Variants in ZNF138 observed in about 807,000 individuals in gnomAD.
ZNF138 encodes zinc finger protein 138 (clone pHZ-32).
A neutral mutation model predicts 33.0 loss-of-function variants in ZNF138; 33 were observed. That is an observed-to-expected ratio of 1.00 (90% CI 0.76 to 1.34). The LOEUF (loss-of-function observed/expected upper bound fraction) is 1.34, where lower values mean the gene tolerates loss of function less well. Among genes scored for constraint, ZNF138 ranks in the 40% most tolerant of loss-of-function variants. ZNF138 has a pLI of 0.00. For missense variants in ZNF138, 360 were observed against 370.8 expected, an observed-to-expected ratio of 0.97 and a Z score of 0.24; for synonymous variants, 139 against 120.4, an observed-to-expected ratio of 1.15 and a Z score of -1.01.
the ZNF138 span, among the ~76,000 whole-genome samples, chr7:64,840,461 A>G: frequency 1.2e-5 from 1 of 86,456 alleles, no homozygotes; most frequent in Non-Finnish European, 2.2e-5. Context: ...TGTACATAGT[A>G]TCTGTTTATA....
chr7:64,835,452 A>G (rs1054803433), downstream of ZNF138: 1 of 152,136 alleles, frequency 6.6e-6, no homozygotes, highest in African/African-American at 2.4e-5. Flanking sequence ...TATTATACAG[A>G]GAATTATAAT....
downstream of ZNF138, chr7:64,836,996 A>C (rs1790386936): frequency 6.6e-6 from 1 of 152,212 alleles, no homozygotes; most frequent in Non-Finnish European, 1.5e-5. Flanking sequence ...TTGCCACACC[A>C]GTTCGTCTAT....
At chr7:64,827,144 G>T (rs1789688450) in intron 3 of ZNF138, among the ~76,000 whole-genome samples, 2 of 149,806 alleles carry the variant, frequency 1.3e-5, no homozygotes, top group African/African-American at 4.9e-5. Context: ...GTCTTACTAT[G>T]TTGCTCAGGC....
At chr7:64,837,155 G>T (rs1225103939), downstream of ZNF138, among the ~76,000 whole-genome samples, 2 of 152,124 alleles carry the variant, frequency 1.3e-5, no homozygotes, top group Non-Finnish European at 2.9e-5. Context: ...AGTTTGGTTG[G>T]GGGGAGGGAA....
At chr7:64,848,185 T>C in the ZNF138 span, among the ~76,000 whole-genome samples, 1 of 151,396 alleles carries the variant, frequency 6.6e-6, no homozygotes, top group South Asian at 2.1e-4. Context: ...CCCAATCTTT[T>C]CTAGCTTGTA....
At chr7:64,839,746 CA>C in the ZNF138 span, among the ~76,000 whole-genome samples, 1 of 152,102 alleles carries the variant, frequency 6.6e-6, no homozygotes, top group East Asian at 1.9e-4. Context: ...CTGATCCGAC[CA>C]GGAGGGGAGT....
chr7:64,801,803 A>G (rs1377156055), intron 1 of ZNF138, among the ~76,000 whole-genome samples: 2 of 152,164 alleles, frequency 1.3e-5, no homozygotes, highest in East Asian at 3.8e-4. Context: ...ATAAATCTCT[A>G]AGAACTTGCC....
At chr7:64,815,120 T>C in intron 2 of ZNF138, 76 bp downstream of exon 2, 1 of 1,361,822 alleles carries the variant, frequency 7.3e-7, no homozygotes. Context: ...GTAGAATGTC[T>C]TTTGGTAATT....
At chr7:64,837,710 A>G (rs1188280354), downstream of ZNF138, among the ~76,000 whole-genome samples, 1 of 152,176 alleles carries the variant, frequency 6.6e-6, no homozygotes, top group African/African-American at 2.4e-5. Context: ...AGTTAACGTC[A>G]AGTGTGGTTG....
rs1051685472 is a variant in ZNF138, at chr7:64,833,513, A to T, written c.*1311A>T. 1.9e-5 allele frequency: 3 copies of T among 160,174 alleles called. No homozygotes were observed. Among genetic ancestry groups the T allele is most frequent in the African/African-American group, 7.2e-5 (3 of 41,494 alleles). 9.9% of individuals were successfully genotyped at this position (160,174 alleles called of 1,614,324 possible). On this transcript the variant is annotated 3_prime_UTR_variant, in exon 4 of 4. Transcript: ENST00000307355. ...CCCAGAAGTGTGAAGAATATGGCAA[A>T]ACTTTAATTCCTATACCTTATTGCA...
the ZNF138 span, among the ~76,000 whole-genome samples, chr7:64,854,204 A>G: frequency 9.9e-5 from 15 of 152,218 alleles, no homozygotes; most frequent in African/African-American, 3.6e-4. Context: ...CTATACTGTA[A>G]TAAAATATTG....
At chr7:64,817,955 C>T (rs911284927) in intron 3 of ZNF138, among the ~76,000 whole-genome samples, 6 of 151,002 alleles carry the variant, frequency 4.0e-5, no homozygotes, top group Non-Finnish European at 7.4e-5. Flanking sequence ...TTACTTTCTT[C>T]AGCCTGTATC....
In ZNF138 at chr7:64,831,501, G is replaced by T; in HGVS notation, c.259G>T (p.Asp87Tyr). The T allele has an allele frequency of 6.2e-7, 1 of 1,603,958 alleles. No homozygotes were observed. Among genetic ancestry groups the T allele is most frequent in the Non-Finnish European group, 8.5e-7 (1 of 1,176,880 alleles). Residue 87 changes from aspartate (D) to tyrosine (Y), a missense_variant, in exon 4 of 4, where the codon GAT becomes TAT. Asp to Tyr is a radical substitution (Grantham distance 160). Coordinates refer to ENST00000307355, the MANE Select transcript of ZNF138 (RefSeq NM_001271639.2). ...QDLWLEQNIKDSFQKVTLSRY... is the reference protein window; with the variant it reads ...QDLWLEQNIKYSFQKVTLSRY... ...CCTTTGGCTAGAGCAGAACATAAAA[G>T]ATTCTTTCCAAAAAGTGACACTGAG... is the stretch of plus-strand genomic sequence containing the variant.
the ZNF138 span, among the ~76,000 whole-genome samples, chr7:64,840,234 A>G: frequency 0.064 from 9,812 of 152,138 alleles, 1,040 homozygotes; most frequent in African/African-American, 0.22. Context: ...TGTGCATTCA[A>G]TGAAGTATTA....
intron 1 of ZNF138, among the ~76,000 whole-genome samples, chr7:64,808,416 GA>G (rs905796258): frequency 3.3e-5 from 5 of 152,102 alleles, no homozygotes; most frequent in Admixed American, 3.3e-4. Flanking sequence ...TGTTAGTCTT[GA>G]CTAGCAACTG....
At chr7:64,807,454 T>C (rs1039584746) in intron 1 of ZNF138, among the ~76,000 whole-genome samples, 3 of 152,222 alleles carry the variant, frequency 2.0e-5, no homozygotes, top group Admixed American at 6.5e-5. Flanking sequence ...TGTCTACTTA[T>C]ATTCATGTTG....
At chr7:64,825,767 G>A (rs542359451) in intron 3 of ZNF138, among the ~76,000 whole-genome samples, 34 of 152,054 alleles carry the variant, frequency 2.2e-4, no homozygotes, top group South Asian at 1.5e-3. Context: ...TCGATCTCCT[G>A]ACCTGGTGAT....
the ZNF138 span, among the ~76,000 whole-genome samples, chr7:64,854,456 G>C: frequency 1.3e-5 from 2 of 152,198 alleles, no homozygotes; most frequent in African/African-American, 4.8e-5. Context: ...TGCCAGGCTA[G>C]TCTTGAACTC....
the ZNF138 span, among the ~76,000 whole-genome samples, chr7:64,854,611 T>G: frequency 6.6e-6 from 1 of 152,140 alleles, no homozygotes; most frequent in African/African-American, 2.4e-5. Flanking sequence ...ATGACAAAAG[T>G]AACAATTAGA....
Sources: gnomAD v4.1 joint callset for allele counts (sites outside exome capture counted in the v4.1 genomes callset) on GRCh38, gnomAD v4.1.1 for gene constraint, MANE v1.5 for transcripts, NCBI Gene and HGNC (gene_info 2026-07-23, HGNC 2026-07-21) for gene names.